Variants in MOBP observed in about 807,000 individuals in gnomAD.
MOBP encodes myelin associated oligodendrocyte basic protein.
A neutral mutation model predicts 15.0 loss-of-function variants in MOBP; 5 were observed. The observed-to-expected ratio is 0.33, with a 90% confidence interval of 0.17 to 0.70. The LOEUF (loss-of-function observed/expected upper bound fraction) is 0.70. Ranked by LOEUF, MOBP falls within the 30% of genes least tolerant of loss-of-function variation. MOBP has a pLI of 0.67. For synonymous variants in MOBP, 88 were observed against 99.0 expected, an observed-to-expected ratio of 0.89 and a Z score of 0.66; for missense variants, 188 against 257.8, an observed-to-expected ratio of 0.73 and a Z score of 1.85.
chr3:39,493,301 C>G (rs770904058), intron 2 of MOBP, among the ~76,000 whole-genome samples: 2 of 151,684 alleles, frequency 1.3e-5, no homozygotes, highest in Non-Finnish European at 1.5e-5. Context: ...ACCCCTAGGA[C>G]GTGTAATGAA....
At chr3:39,469,190 G>GTGTA (rs2042425225) in intron 1 of MOBP, among the ~76,000 whole-genome samples, 12 of 60,090 alleles carry the variant, frequency 2.0e-4, no homozygotes, top group African/African-American at 5.3e-4. Flanking sequence ...GTGTGTGTGT[G>GTGTA]TATATACATA....
intron 2 of MOBP, among the ~76,000 whole-genome samples, chr3:39,488,665 T>C (rs1278654191): frequency 6.6e-6 from 1 of 152,196 alleles, no homozygotes; most frequent in Non-Finnish European, 1.5e-5. Flanking sequence ...TCTTACCTTT[T>C]TCCCCCCAGC....
intron 1 of MOBP, among the ~76,000 whole-genome samples, chr3:39,477,628 G>A (rs2042562387): frequency 6.7e-6 from 1 of 148,636 alleles, no homozygotes; most frequent in Non-Finnish European, 1.5e-5. Flanking sequence ...AAAAAAGGTA[G>A]CTGTAAAACA....
At chr3:39,506,075 T>A (rs1366724511), downstream of MOBP, among the ~76,000 whole-genome samples, 1 of 152,104 alleles carries the variant, frequency 6.6e-6, no homozygotes, top group East Asian at 1.9e-4. Context: ...CCCTGTGATC[T>A]TCCAACCTCT....
chr3:39,521,833 C>A (rs1035900903), intron 3 of MOBP, among the ~76,000 whole-genome samples: 1 of 152,304 alleles, frequency 6.6e-6, no homozygotes, highest in Non-Finnish European at 1.5e-5. Context: ...GTGTATAATA[C>A]CGTCTTCTCC....
intron 2 of MOBP, among the ~76,000 whole-genome samples, chr3:39,482,205 C>T (rs773485545): frequency 6.6e-6 from 1 of 152,172 alleles, no homozygotes; most frequent in Non-Finnish European, 1.5e-5. Context: ...GACTCCTCCT[C>T]ATTACCACTT....
chr3:39,498,382 G>T (rs1026032190), intron 2 of MOBP, among the ~76,000 whole-genome samples: 4 of 152,066 alleles, frequency 2.6e-5, no homozygotes, highest in Middle Eastern at 3.2e-3. Context: ...ACGGAGTCTT[G>T]CTCTATCTCT....
intron 1 of MOBP, among the ~76,000 whole-genome samples, chr3:39,473,341 C>A (rs1229061537): frequency 6.6e-6 from 1 of 152,176 alleles, no homozygotes; most frequent in Non-Finnish European, 1.5e-5. Context: ...GGAAGGGCCA[C>A]CTGGCCACAT....
chr3:39,468,138 TTTC>T (rs1175747445), intron 1 of MOBP, among the ~76,000 whole-genome samples: 1 of 152,212 alleles, frequency 6.6e-6, no homozygotes, highest in African/African-American at 2.4e-5. Context: ...AAAATGAGTT[TTTC>T]TTCTTATCTA....
chr3:39,487,134 T>A (rs2042722527), intron 2 of MOBP, among the ~76,000 whole-genome samples: 1 of 151,690 alleles, frequency 6.6e-6, no homozygotes, highest in South Asian at 2.1e-4. Flanking sequence ...GTAGGGATAG[T>A]CTTGCTGTGT....
downstream of MOBP, among the ~76,000 whole-genome samples, chr3:39,520,753 G>C (rs1283695116): frequency 6.6e-6 from 1 of 152,158 alleles, no homozygotes; most frequent in Non-Finnish European, 1.5e-5. Context: ...ATGCTGACAG[G>C]AGGTCATGGC....
chr3:39,503,118 G>A, downstream of MOBP: 1 of 473,824 alleles, frequency 2.1e-6, no homozygotes, highest in Non-Finnish European at 3.7e-6. Context: ...AATAGGACTG[G>A]AAGTTGTTAA....
At position 39,476,041 on chromosome 3, in the gene MOBP, T is replaced by C. The variant is rs566540485; in HGVS notation, c.-88-3999T>C. Among the ~76,000 whole-genome samples, 105 of 152,296 alleles carry C rather than the reference T, an allele frequency of 6.9e-4. 1 individual carries two copies. Among genetic ancestry groups the C allele is most frequent in the African/African-American group, 2.4e-3 (98 of 41,552 alleles). On this transcript the variant is annotated intron_variant, in intron 1 of 3. Coordinates refer to ENST00000684792, the MANE Select transcript of MOBP (RefSeq NM_001393704.1). Reference sequence around the variant, plus strand: ...CAGGCTGTACAGGAAGCATAGCAGCTTCTGTTTCTGGAGAGGCCTCAGGAA... The same window carrying C: ...CAGGCTGTACAGGAAGCATAGCAGCCTCTGTTTCTGGAGAGGCCTCAGGAA...
intron 1 of MOBP, among the ~76,000 whole-genome samples, chr3:39,468,437 A>G (rs1376902061): frequency 6.6e-6 from 1 of 152,186 alleles, no homozygotes; most frequent in Non-Finnish European, 1.5e-5. Flanking sequence ...CTTTGTGAAT[A>G]AATCAGGGAG....
chr3:39,528,060 A>G (rs940437520), downstream of MOBP: 3 of 152,242 alleles, frequency 2.0e-5, no homozygotes, highest in Non-Finnish European at 2.9e-5. Flanking sequence ...GTGATTGTTA[A>G]CATTAATGAA....
downstream of MOBP, among the ~76,000 whole-genome samples, chr3:39,506,339 C>A (rs2125661264): frequency 6.6e-6 from 1 of 152,248 alleles, no homozygotes; most frequent in South Asian, 2.1e-4. Context: ...TCCCTTAGCA[C>A]CCCCGCCCCT....
chr3:39,522,167 T>A (rs1353317216), intron 3 of MOBP, among the ~76,000 whole-genome samples: 1 of 152,200 alleles, frequency 6.6e-6, no homozygotes, highest in Non-Finnish European at 1.5e-5. Context: ...ACTTGTGTGA[T>A]CTTGGACAAG....
chr3:39,479,214 G>A (rs1357384258), intron 1 of MOBP, among the ~76,000 whole-genome samples: 3 of 152,112 alleles, frequency 2.0e-5, no homozygotes, highest in Non-Finnish European at 4.4e-5. Flanking sequence ...AAACATGCTA[G>A]TGATCCTTAT....
chr3:39,509,352 C>G (rs2043090476), intron 4 of MOBP, among the ~76,000 whole-genome samples: 2 of 152,086 alleles, frequency 1.3e-5, no homozygotes, highest in African/African-American at 4.8e-5. Flanking sequence ...TACCAGTAAC[C>G]TGGGCTTATT....
Sources: gnomAD v4.1 joint callset for allele counts (sites outside exome capture counted in the v4.1 genomes callset) on GRCh38, gnomAD v4.1.1 for gene constraint, MANE v1.5 for transcripts, NCBI Gene and HGNC (gene_info 2026-07-23, HGNC 2026-07-21) for gene names.